CCDC73: variants seen among roughly 807,000 people sequenced by gnomAD.
The protein encoded by CCDC73 is coiled-coil domain containing 73.
CCDC73 carries 95 observed loss-of-function variants against 116.5 expected under a neutral mutation model. The ratio of observed to expected loss-of-function variants is 0.82; its 90% CI spans 0.69 to 0.97. The LOEUF is 0.97. Ranked by LOEUF, CCDC73 falls within the 50% of genes least tolerant of loss-of-function variation. The pLI is 0.00. For missense variants in CCDC73, 1,066 were observed against 1,206.8 expected (o/e 0.88, Z 1.73); for synonymous variants, 398 against 401.3 (o/e 0.99, Z 0.10).
At chr11:32,695,617 C>T (rs531520369) in intron 6 of CCDC73, among the ~76,000 whole-genome samples, 2 of 152,080 alleles carry the variant, frequency 1.3e-5, no homozygotes, top group Non-Finnish European at 2.9e-5. Context: ...TCTGCCTTCA[C>T]AGTAGGTAGA....
chr11:32,738,629 AT>A (rs1850156614), intron 2 of CCDC73, among the ~76,000 whole-genome samples: 1 of 151,852 alleles, frequency 6.6e-6, no homozygotes, highest in Non-Finnish European at 1.5e-5. Flanking sequence ...ATTTGCAAAT[AT>A]TTTCTCCCGT....
chr11:32,813,222 G>A, the CCDC73 span, among the ~76,000 whole-genome samples: 15 of 152,244 alleles, frequency 9.9e-5, no homozygotes, highest in South Asian at 2.9e-3. Context: ...CATTGAGGAT[G>A]TGTTTCTAGT....
intron 2 of CCDC73, among the ~76,000 whole-genome samples, chr11:32,749,676 G>A (rs189286550): frequency 7.2e-5 from 11 of 152,078 alleles, no homozygotes; most frequent in Admixed American, 3.3e-4. Context: ...AGGCTTTCCA[G>A]GTATTTGAAG....
intron 15 of CCDC73, among the ~76,000 whole-genome samples, chr11:32,615,287 C>T (rs1855464319): frequency 6.6e-6 from 1 of 152,094 alleles, no homozygotes; most frequent in African/African-American, 2.4e-5. Context: ...TACAATTCCA[C>T]ATAAATACAT....
intron 10 of CCDC73, among the ~76,000 whole-genome samples, chr11:32,654,636 C>T (rs1481544940): frequency 6.6e-6 from 1 of 152,144 alleles, no homozygotes; most frequent in Non-Finnish European, 1.5e-5. Context: ...TTACTCAAAA[C>T]CATATTCAAG....
At chr11:32,603,056 T>C (rs1419429616) in intron 17 of CCDC73, 36 bp from the exon 18 acceptor site, 1 of 1,504,294 alleles carries the variant, frequency 6.6e-7, no homozygotes, top group Admixed American at 2.0e-5. Flanking sequence ...TTCGAAATTA[T>C]TATACAAAAG....
rs1285890593 is a variant in CCDC73 at position 32,643,213 on chromosome 11, C to T, written c.940-1131G>A. 5.3e-5 allele frequency among the ~76,000 whole-genome samples: 8 copies of T among 151,856 alleles called. No homozygotes were observed. The South Asian group carries it at 1.0e-3, about 20-fold the overall frequency. ...TAAAATTATGGCAACATATCTAATA[C>T]GAATTTTACAATTTTAACATGGAGA... On this transcript the variant is annotated intron_variant, in intron 12 of 17. Coordinates refer to ENST00000335185, the MANE Select transcript of CCDC73 (RefSeq NM_001008391.4).
intron 14 of CCDC73, among the ~76,000 whole-genome samples, chr11:32,623,401 G>C (rs1489575905): frequency 6.6e-6 from 1 of 152,140 alleles, no homozygotes; most frequent in African/African-American, 2.4e-5. Flanking sequence ...CAGTCCTCCA[G>C]ACTGGAGTGC....
At chr11:32,621,579 A>G (rs1565058580) in intron 14 of CCDC73, among the ~76,000 whole-genome samples, 1 of 152,180 alleles carries the variant, frequency 6.6e-6, no homozygotes, top group Non-Finnish European at 1.5e-5. Context: ...CCTAGAAGAA[A>G]ACCTACCCAA....
the CCDC73 span, among the ~76,000 whole-genome samples, chr11:32,818,511 G>A: frequency 5.2e-3 from 791 of 152,258 alleles, 8 homozygotes; most frequent in African/African-American, 0.018. Context: ...TTCTCAAAAC[G>A]TAAACATAGA....
chr11:32,619,178 G>A (rs141549034), intron 14 of CCDC73, among the ~76,000 whole-genome samples: 323 of 152,146 alleles, frequency 2.1e-3, no homozygotes, highest in African/African-American at 7.5e-3. Flanking sequence ...AATTGTGCTC[G>A]ACTTGTCAAT....
chr11:32,760,089 C>A lies in CCDC73; in HGVS notation c.135+20G>T. The stretch of plus-strand genomic sequence containing the variant: ...ATCAAGTTTTCTTATTTAACAAAAG[C>A]ATTTTAAAAAGGAGCTTACCCTTCT... On this transcript the variant is annotated intron_variant, in intron 2 of 17. Coordinates refer to ENST00000335185, the MANE Select transcript of CCDC73 (RefSeq NM_001008391.4). The A allele has an allele frequency of 6.4e-7, 1 of 1,573,752 alleles. No individual in the cohort carries two copies. The highest frequency in any genetic ancestry group is 8.6e-7 in the Non-Finnish European group (1 of 1,163,870).
At chr11:32,613,157 A>C (rs1855437784) in intron 16 of CCDC73, among the ~76,000 whole-genome samples, 1 of 152,220 alleles carries the variant, frequency 6.6e-6, no homozygotes, top group Non-Finnish European at 1.5e-5. Flanking sequence ...ATAGGAGAGA[A>C]ACTAAAATGT....
intron 2 of CCDC73, among the ~76,000 whole-genome samples, chr11:32,749,794 C>T (rs1820317524): frequency 6.6e-6 from 1 of 151,994 alleles, no homozygotes. Context: ...GAAGTATTGC[C>T]TTGGTGGTCT....
At chr11:32,757,517 AAACT>A (rs1448000166) in intron 2 of CCDC73, among the ~76,000 whole-genome samples, 1 of 152,168 alleles carries the variant, frequency 6.6e-6, no homozygotes, top group Non-Finnish European at 1.5e-5. Flanking sequence ...AAATAACAAC[AAACT>A]TAGTGGCTTA....
intron 3 of CCDC73, among the ~76,000 whole-genome samples, chr11:32,705,089 CAG>C (rs1282362331): frequency 2.0e-5 from 3 of 152,232 alleles, no homozygotes; most frequent in African/African-American, 7.2e-5. Flanking sequence ...ATAGCTCTCC[CAG>C]CCTCTGCCAG....
chr11:32,635,050 T>C (rs1483217564), intron 14 of CCDC73, among the ~76,000 whole-genome samples: 1 of 152,178 alleles, frequency 6.6e-6, no homozygotes, highest in Non-Finnish European at 1.5e-5. Flanking sequence ...TATCCAGGAA[T>C]AAATTTAACC....
Position 32,629,640 on chromosome 11 carries a change from T to A in CCDC73, c.1185+6056A>T, listed in dbSNP as rs974656670. On this transcript the variant is annotated intron_variant, in intron 14 of 17. Transcript: ENST00000335185. ...GTCTCGATCTCCTGACCTCATGATCTGCCCGCCTTGGCCTCCCAAAGTGCT... is the reference window on the plus strand; with the variant it reads ...GTCTCGATCTCCTGACCTCATGATCAGCCCGCCTTGGCCTCCCAAAGTGCT... Among the ~76,000 whole-genome samples, 14 of 152,110 alleles carry A rather than the reference T, an allele frequency of 9.2e-5. 1 individual carries two copies. In the East Asian group the frequency reaches 2.5e-3, roughly 27 times the overall value.
rs1273163401 is a variant in CCDC73 at position 32,611,254 on chromosome 11, T to C, written c.2908A>G (p.Ile970Val). ...GKDIGPDTTS[I>V]NRVADTLNNW... ...TTCAAAGTGTCAGCAACTCTGTTAA[T>C]GCTGGTAGTATCTGATTGATAAAGA... is the stretch of plus-strand genomic sequence containing the variant. Residue 970 changes from isoleucine to valine, a missense_variant, in exon 17 of 18, where the codon ATT (isoleucine) becomes GTT (valine). Coordinates refer to ENST00000335185, the MANE Select transcript of CCDC73 (RefSeq NM_001008391.4). 6.2e-7 allele frequency: 1 copy of C among 1,613,208 alleles called. No homozygotes were observed. The highest frequency in any genetic ancestry group is 1.1e-5 in the South Asian group (1 of 90,920).
Sources: allele counts gnomAD v4.1 joint callset (sites outside exome capture counted in the v4.1 genomes callset), GRCh38; gene constraint gnomAD v4.1.1; transcripts MANE v1.5; gene names NCBI Gene and HGNC (gene_info 2026-07-23, HGNC 2026-07-21).